The following CNOT11 variants were observed in gnomAD, a reference collection of about 807,000 sequenced individuals.
The protein encoded by CNOT11 is UPF0760 protein C2orf29.
CNOT11 carries 18 observed loss-of-function variants against 44.6 expected under a neutral mutation model. That is an observed-to-expected ratio of 0.40 (90% CI 0.28 to 0.60). The LOEUF (loss-of-function observed/expected upper bound fraction) is 0.60. CNOT11 is among the 20% of genes least tolerant of loss of function. The pLI is 0.38. For synonymous variants in CNOT11, 291 were observed against 270.9 expected (o/e 1.07, Z -0.73); for missense variants, 513 against 677.0 (o/e 0.76, Z 2.69).
rs780215488 is a variant in CNOT11 at position 101,266,893 on chromosome 2, TTTG to T, written c.1238+15_1238+17del. 3.1e-6 allele frequency: 5 copies of T among 1,592,074 alleles called. No homozygotes were observed. Among genetic ancestry groups the T allele is most frequent in the Non-Finnish European group, 4.3e-6 (5 of 1,160,262 alleles). On this transcript the variant is annotated intron_variant, in intron 5 of 6. Coordinates refer to ENST00000289382, the MANE Select transcript of CNOT11 (RefSeq NM_017546.5). The stretch of plus-strand genomic sequence containing the variant: ...AGTTGTAAATCGGTAAGTTTCTAGA[TTTG>T]ATCAAATGTGTGGGGATAGATACAG...
Position 101,253,586 on chromosome 2 carries a change from T to G in CNOT11, c.514+108T>G. On this transcript the variant is annotated intron_variant, in intron 1 of 6. Coordinates refer to ENST00000289382, the MANE Select transcript of CNOT11 (RefSeq NM_017546.5). This position sits in a 1 kb window ranked among gnomAD's most constrained non-coding sequence, Gnocchi z 4.3. ...AGGGAAATTAACTATCCCTGTGAAA[T>G]GATCATCCTCTTTTTCCGCCTCTCT... The G allele has an allele frequency of 9.6e-7, 1 of 1,040,992 alleles. No homozygotes were observed. Among genetic ancestry groups the G allele is most frequent in the Non-Finnish European group, 1.3e-6 (1 of 763,474 alleles). The allele number at this position is 1,040,992 out of a possible 1,614,324, so 64.5% of individuals were successfully genotyped here.
intron 3 of CNOT11, 134 bp downstream of exon 3, chr2:101,262,825 G>A (rs1681899297): frequency 1.4e-6 from 1 of 695,840 alleles, no homozygotes; most frequent in Non-Finnish European, 2.4e-6. Context: ...TCTTTCTAGT[G>A]TAGTGAGTGT....
rs1239235270 is a variant in CNOT11, at chr2:101,253,344, C to T, written c.380C>T (p.Ala127Val). The change falls in exon 1 of 7, where the codon GCG (alanine) becomes GTG (valine). Residue 127 changes from alanine (A) to valine (V), a missense_variant. Around this residue, in one of 4 missense-constraint regions of CNOT11, gnomAD observed 259 missense variants for 265.7 expected, o/e 0.97. Coordinates refer to ENST00000289382, the MANE Select transcript of CNOT11 (RefSeq NM_017546.5). This position sits in a 1 kb window ranked among gnomAD's most constrained non-coding sequence, Gnocchi z 4.3. ...CCTAGCGCGGCGCAGCGCCTCACGG[C>T]GCTCTACCTGCTCTGGGAGATGTAC... is the stretch of plus-strand genomic sequence containing the variant. ...LLPSAAQRLT[A>V]LYLLWEMYRT... is the part of the protein sequence containing the mutation. 5 of 1,603,006 alleles carry T rather than the reference C, an allele frequency of 3.1e-6. No individual in the cohort carries two copies. The highest frequency in any genetic ancestry group is 4.2e-6 in the Non-Finnish European group (5 of 1,179,046).
intron 1 of CNOT11, among the ~76,000 whole-genome samples, chr2:101,256,974 A>G (rs1318588899): frequency 2.0e-5 from 3 of 151,542 alleles, no homozygotes; most frequent in Non-Finnish European, 2.9e-5. Flanking sequence ...GCGTGAACCC[A>G]GGAGGCAGAG....
chr2:101,260,129 C>T (rs1573199287), intron 2 of CNOT11, among the ~76,000 whole-genome samples: 1 of 152,068 alleles, frequency 6.6e-6, no homozygotes, highest in East Asian at 1.9e-4. Context: ...TAAGGTTGTA[C>T]TAATAAGTAC....
chr2:101,257,339 G>T (rs1025181270), intron 1 of CNOT11, among the ~76,000 whole-genome samples: 2 of 150,554 alleles, frequency 1.3e-5, no homozygotes, highest in Non-Finnish European at 2.9e-5. Context: ...GTTGCAGTGA[G>T]CCAAGATCAT....
At chr2:101,260,651 TTG>T (rs1681834728) in intron 2 of CNOT11, among the ~76,000 whole-genome samples, 1 of 152,178 alleles carries the variant, frequency 6.6e-6, no homozygotes, top group Admixed American at 6.5e-5. Context: ...ATGATGCAGT[TTG>T]TGTTTTCTTA....
chr2:101,266,183 G>A (rs995190053), intron 4 of CNOT11, among the ~76,000 whole-genome samples: 10 of 152,284 alleles, frequency 6.6e-5, no homozygotes, highest in Non-Finnish European at 5.9e-5. Context: ...CTGATGACTC[G>A]CAGCAGGTCA....
At position 101,269,029 on chromosome 2, in the gene CNOT11, T is replaced by C. The variant is rs1403914422; in HGVS notation, c.1239-11T>C. 6.4e-7 allele frequency: 1 copy of C among 1,561,098 alleles called. No individual in the cohort carries two copies. Among genetic ancestry groups the C allele is most frequent in the African/African-American group, 1.4e-5 (1 of 72,658 alleles). On this transcript the variant is annotated splice_polypyrimidine_tract_variant and intron_variant, in intron 5 of 6. Coordinates refer to ENST00000289382, the MANE Select transcript of CNOT11 (RefSeq NM_017546.5). This position sits in a 1 kb window ranked among gnomAD's most constrained non-coding sequence, Gnocchi z 4.8. ...TGAAATTAATGGGCCAAATTTTCTTTTACGAAACAGACTAACTACAGCTGT... is the reference window on the plus strand; with the variant it reads ...TGAAATTAATGGGCCAAATTTTCTTCTACGAAACAGACTAACTACAGCTGT...
At chr2:101,256,014 C>T (rs1346649495) in intron 1 of CNOT11, among the ~76,000 whole-genome samples, 1 of 152,016 alleles carries the variant, frequency 6.6e-6, no homozygotes, top group Non-Finnish European at 1.5e-5. Context: ...TGGTGCACTC[C>T]TGTAATCCCA....
chr2:101,255,205 C>T (rs1478732407), intron 1 of CNOT11, among the ~76,000 whole-genome samples: 2 of 152,138 alleles, frequency 1.3e-5, no homozygotes, highest in Non-Finnish European at 2.9e-5. Context: ...ATAAAAGTAC[C>T]TGTGAGTGGG....
chr2:101,267,033 T>G (rs1208723621), intron 5 of CNOT11, among the ~76,000 whole-genome samples, 154 bp downstream of exon 5: 1 of 152,226 alleles, frequency 6.6e-6, no homozygotes, highest in Non-Finnish European at 1.5e-5. Context: ...CATGTAAATT[T>G]AGCATGCGTT....
At chr2:101,267,649 C>G (rs1682019171) in intron 5 of CNOT11, among the ~76,000 whole-genome samples, 1 of 152,160 alleles carries the variant, frequency 6.6e-6, no homozygotes, top group Non-Finnish European at 1.5e-5. Flanking sequence ...AACAGAACAT[C>G]TTCCCTTCTT....
rs5832956 is a variant in CNOT11 at position 101,260,825 on chromosome 2, C to CTT, written c.680-1702_680-1701dup. On this transcript the variant is annotated intron_variant, in intron 2 of 6. Transcript: ENST00000289382. ...TTTACCAAACAGCTGGCCAATTTATCTTTTTTTTTTTTTCACATTTTGGTT... is the reference window on the plus strand; with the variant it reads ...TTTACCAAACAGCTGGCCAATTTATCTTTTTTTTTTTTTTTCACATTTTGGTT... Among the ~76,000 whole-genome samples, 339 of 147,866 alleles carry CTT rather than the reference C, an allele frequency of 2.3e-3. 1 individual carries two copies. The highest frequency in any genetic ancestry group is 7.3e-3 in the African/African-American group (292 of 40,026).
chr2:101,253,229 T>C lies in CNOT11; in HGVS notation c.265T>C (p.Ser89Pro), dbSNP rs749736555. ...CGGCGGCAGCACCTTCGAGGGCCTG[T>C]CCACCGCCTTCCACCACTACTTCAG... Reference protein sequence around the residue: ...AGGGSTFEGLSTAFHHYFSKA... With the variant: ...AGGGSTFEGLPTAFHHYFSKA... The change falls in exon 1 of 7, where the codon TCC (serine) becomes CCC (proline). Residue 89 changes from serine (S) to proline (P), a missense_variant. By Grantham distance (74) the Ser-to-Pro change is moderately conservative. Around this residue, in one of 4 missense-constraint regions of CNOT11, gnomAD observed 259 missense variants for 265.7 expected, o/e 0.97. Transcript: ENST00000289382. The surrounding 1 kb of genome is among the most constrained non-coding windows in gnomAD (Gnocchi z 4.3). The C allele has an allele frequency of 1.2e-6, 2 of 1,611,164 alleles. No homozygotes were observed.
intron 1 of CNOT11, among the ~76,000 whole-genome samples, chr2:101,254,370 G>T (rs1438380630): frequency 1.3e-5 from 2 of 152,120 alleles, no homozygotes; most frequent in Non-Finnish European, 2.9e-5. Context: ...GTAACACCAG[G>T]AGTTTGTTTT....
intron 2 of CNOT11, among the ~76,000 whole-genome samples, chr2:101,259,158 C>T (rs904281935): frequency 5.9e-5 from 9 of 152,174 alleles, no homozygotes; most frequent in Admixed American, 1.3e-4. Flanking sequence ...CAAAACCCAA[C>T]GTTCTCTTGG....
At position 101,262,619 on chromosome 2, in the gene CNOT11, T is replaced by A; in HGVS notation, c.760T>A (p.Ser254Thr). Residue 254 changes from serine (S) to threonine (T), a missense_variant, in exon 3 of 7, where the codon TCT (serine) becomes ACT (threonine). This residue lies in a region of CNOT11 where 140 missense variants were observed against 169.8 expected (regional missense o/e 0.82). Transcript: ENST00000289382. ...TGACCCAGACCCGGATTCTTCTAAT[T>A]CTGGATTTGACAGCTCAGTTGCCTC... ...LSDPDPDSSN[S>T]GFDSSVASQI... 1 of 1,614,184 alleles carries A rather than the reference T, an allele frequency of 6.2e-7. No individual in the cohort carries two copies. The highest frequency in any genetic ancestry group is 1.1e-5 in the South Asian group (1 of 91,088).
At chr2:101,256,007 T>C (rs1392636836) in intron 1 of CNOT11, among the ~76,000 whole-genome samples, 1 of 151,816 alleles carries the variant, frequency 6.6e-6, no homozygotes, top group Non-Finnish European at 1.5e-5. Flanking sequence ...GGCATGATGG[T>C]GCACTCCTGT....
Sources: gnomAD v4.1 joint callset for allele counts (sites outside exome capture counted in the v4.1 genomes callset) on GRCh38, gnomAD v4.1.1 for gene constraint, gnomAD v4.1.1 regional missense constraint, Gnocchi (gnomAD v3.1) non-coding constraint, MANE v1.5 for transcripts, NCBI Gene and HGNC (gene_info 2026-07-23, HGNC 2026-07-21) for gene names.